GNG2: variants seen among roughly 807,000 people sequenced by gnomAD.
GNG2 encodes G protein subunit gamma 2.
Under a neutral mutation model 5.5 loss-of-function variants are expected in GNG2, and 5 were observed. That is an observed-to-expected ratio of 0.91 (90% confidence interval 0.48 to 1.92). GNG2 has a LOEUF of 1.92. GNG2 is among the 30% of genes most tolerant of loss of function. The probability of loss-of-function intolerance (pLI) is 0.01; values close to 1 mark genes in which losing one functional copy is unlikely to be tolerated. For synonymous variants in GNG2, 28 were observed against 32.0 expected, an observed-to-expected ratio of 0.88 and a Z score of 0.42; for missense variants, 55 against 88.4, an observed-to-expected ratio of 0.62 and a Z score of 1.52.
At chr14:51,928,190 C>T (rs1003395773) in intron 2 of GNG2, among the ~76,000 whole-genome samples, 12 of 151,850 alleles carry the variant, frequency 7.9e-5, no homozygotes, top group African/African-American at 1.9e-4. Context: ...ACACCACGCC[C>T]GGCTAATTTT....
chr14:51,898,658 T>G (rs1187357413), intron 2 of GNG2, among the ~76,000 whole-genome samples: 1 of 152,196 alleles, frequency 6.6e-6, no homozygotes, highest in African/African-American at 2.4e-5. Flanking sequence ...CAATGTGCAC[T>G]GAACGCAAAT....
intron 2 of GNG2, among the ~76,000 whole-genome samples, chr14:51,897,133 A>G (rs1452708365): frequency 6.6e-6 from 1 of 152,218 alleles, no homozygotes; most frequent in African/African-American, 2.4e-5. Flanking sequence ...ACCATGGAGT[A>G]TATTCCAAGA....
chr14:51,844,233 C>T (rs1392379446), intron 2 of GNG2, among the ~76,000 whole-genome samples: 1 of 152,194 alleles, frequency 6.6e-6, no homozygotes, highest in Non-Finnish European at 1.5e-5. Flanking sequence ...GGGACCCAGT[C>T]CCCTTAACAA....
intron 2 of GNG2, among the ~76,000 whole-genome samples, chr14:51,903,022 ATACT>A (rs1223779997): frequency 2.0e-5 from 3 of 152,226 alleles, no homozygotes; most frequent in African/African-American, 7.2e-5. Context: ...GCAATCAGGG[ATACT>A]TACTTTCTTC....
intron 2 of GNG2, among the ~76,000 whole-genome samples, chr14:51,931,975 G>A (rs1479284754): frequency 2.0e-5 from 3 of 152,002 alleles, no homozygotes; most frequent in Non-Finnish European, 4.4e-5. Flanking sequence ...GGCCGGGCGC[G>A]GTGGCTCACG....
At chr14:51,867,959 C>G (rs1262531188) in intron 1 of GNG2, among the ~76,000 whole-genome samples, 2 of 152,094 alleles carry the variant, frequency 1.3e-5, no homozygotes, top group African/African-American at 4.8e-5. Context: ...CTGGTTTCAT[C>G]TTTGTCTTCC....
intron 2 of GNG2, among the ~76,000 whole-genome samples, chr14:51,847,564 A>T (rs1050677315): frequency 5.7e-5 from 6 of 105,422 alleles, no homozygotes; most frequent in Non-Finnish European, 9.0e-5. Context: ...TTTCAAATTT[A>T]AAAAAAAGAA....
intron 2 of GNG2, among the ~76,000 whole-genome samples, chr14:51,907,222 A>G (rs1885989610): frequency 1.3e-5 from 2 of 152,208 alleles, no homozygotes; most frequent in African/African-American, 4.8e-5. Flanking sequence ...TTCCTTCCAG[A>G]CATGCTGGCC....
chr14:51,842,639 T>C (rs2140078304), intron 2 of GNG2, among the ~76,000 whole-genome samples: 1 of 152,050 alleles, frequency 6.6e-6, no homozygotes, highest in Non-Finnish European at 1.5e-5. Flanking sequence ...TGTGTGACCC[T>C]TTTTCAGAGT....
At chr14:51,936,574 A>G (rs1888021535) in intron 2 of GNG2, among the ~76,000 whole-genome samples, 1 of 145,462 alleles carries the variant, frequency 6.9e-6, no homozygotes, top group Non-Finnish European at 1.5e-5. Context: ...TTTTAGAGAT[A>G]GTGCCTCACT....
At chr14:51,917,106 G>A (rs577505612) in intron 2 of GNG2, among the ~76,000 whole-genome samples, 7 of 152,144 alleles carry the variant, frequency 4.6e-5, no homozygotes, top group Admixed American at 6.5e-5. Context: ...GGAAAAACGC[G>A]ATTTAATGGA....
chr14:51,961,732 TG>T (rs1433612515), intron 3 of GNG2, among the ~76,000 whole-genome samples: 1 of 152,066 alleles, frequency 6.6e-6, no homozygotes, highest in Non-Finnish European at 1.5e-5. Flanking sequence ...ATTGAGGAGA[TG>T]AAGAGAACAA....
intron 1 of GNG2, among the ~76,000 whole-genome samples, chr14:51,862,196 A>G (rs931967472): frequency 6.6e-6 from 1 of 152,124 alleles, no homozygotes; most frequent in South Asian, 2.1e-4. Context: ...ATAGCTACTA[A>G]AGAAAAAAAA....
chr14:51,918,107 A>G (rs1365894273), intron 2 of GNG2, among the ~76,000 whole-genome samples: 1 of 152,018 alleles, frequency 6.6e-6, no homozygotes, highest in Non-Finnish European at 1.5e-5. Context: ...AAGCTACAGG[A>G]TAATAAACCA....
intron 1 of GNG2, among the ~76,000 whole-genome samples, chr14:51,827,222 G>A (rs1441286535): frequency 1.3e-5 from 2 of 152,236 alleles, no homozygotes; most frequent in African/African-American, 4.8e-5. Context: ...ACTCTTTAAA[G>A]CCTTCCAGGT....
At chr14:51,919,593 C>T (rs1377943267) in intron 2 of GNG2, among the ~76,000 whole-genome samples, 6 of 152,146 alleles carry the variant, frequency 3.9e-5, no homozygotes, top group Non-Finnish European at 7.4e-5. Context: ...TTGATGATTA[C>T]GGTTTGACAA....
intron 1 of GNG2, among the ~76,000 whole-genome samples, chr14:51,876,309 A>C (rs1883660235): frequency 6.6e-6 from 1 of 152,144 alleles, no homozygotes; most frequent in African/African-American, 2.4e-5. Context: ...TAATAGGTTG[A>C]ATTATTGATA....
chr14:51,942,442 T>C (rs1160553282), intron 2 of GNG2, among the ~76,000 whole-genome samples: 1 of 152,036 alleles, frequency 6.6e-6, no homozygotes, highest in Admixed American at 6.5e-5. Context: ...ACCCCACACA[T>C]TTCCAAAAGC....
intron 1 of GNG2, among the ~76,000 whole-genome samples, chr14:51,867,662 G>A (rs1038638101): frequency 4.6e-5 from 7 of 152,060 alleles, no homozygotes; most frequent in South Asian, 2.1e-4. Context: ...TTTTCTCTCC[G>A]CCTAGGATAA....
Sources: allele counts gnomAD v4.1 joint callset (sites outside exome capture counted in the v4.1 genomes callset), GRCh38; gene constraint gnomAD v4.1.1; transcripts MANE v1.5; gene names NCBI Gene and HGNC (gene_info 2026-07-23, HGNC 2026-07-21).